The following PPP1R9A variants were observed in gnomAD, a reference collection of about 807,000 sequenced individuals.
PPP1R9A encodes the protein protein phosphatase 1 regulatory subunit 9A.
A neutral mutation model predicts 141.9 loss-of-function variants in PPP1R9A; 59 were observed. The ratio of observed to expected loss-of-function variants is 0.42; its 90% CI spans 0.34 to 0.52. PPP1R9A has a LOEUF of 0.52. Ranked by LOEUF, PPP1R9A falls within the 20% of genes least tolerant of loss-of-function variation. The pLI is 0.10. For synonymous variants in PPP1R9A, 500 were observed against 569.7 expected (o/e 0.88, Z 1.74); for missense variants, 1,444 against 1,611.9 (o/e 0.90, Z 1.78).
intron 4 of PPP1R9A, among the ~76,000 whole-genome samples, chr7:95,128,722 A>C (rs1448667700): frequency 1.3e-5 from 2 of 152,042 alleles, no homozygotes; most frequent in Non-Finnish European, 2.9e-5. Context: ...AATTACAGGC[A>C]CGTGCCACCA....
At chr7:95,154,045 CT>C (rs1829171637) in intron 4 of PPP1R9A, among the ~76,000 whole-genome samples, 1 of 151,712 alleles carries the variant, frequency 6.6e-6, no homozygotes, top group South Asian at 2.1e-4. Flanking sequence ...TTCTTGGTTG[CT>C]TTTTTAGTGT....
chr7:95,147,773 G>A (rs6465458), intron 4 of PPP1R9A, among the ~76,000 whole-genome samples: 89,226 of 152,004 alleles, frequency 0.59, 26,592 homozygotes, highest in African/African-American at 0.69. Context: ...TTTGTCATTC[G>A]TTCTACTTAT....
intron 4 of PPP1R9A, among the ~76,000 whole-genome samples, chr7:95,133,617 T>C (rs1214582834): frequency 1.3e-5 from 2 of 151,186 alleles, no homozygotes; most frequent in African/African-American, 4.9e-5. Flanking sequence ...TACATAAAAA[T>C]TATTGTTCAT....
chr7:95,006,372 C>T (rs1457917487), intron 2 of PPP1R9A, among the ~76,000 whole-genome samples: 1 of 151,940 alleles, frequency 6.6e-6, no homozygotes, highest in East Asian at 1.9e-4. Context: ...CATGCATCAC[C>T]AGACCCGGCT....
intron 2 of PPP1R9A, among the ~76,000 whole-genome samples, chr7:94,962,800 A>G (rs1007214221): frequency 1.3e-5 from 2 of 152,056 alleles, no homozygotes; most frequent in African/African-American, 2.4e-5. Context: ...TTGAGCATGA[A>G]AGGACTAAGT....
intron 12 of PPP1R9A, among the ~76,000 whole-genome samples, chr7:95,263,826 G>A (rs1015659644): frequency 6.6e-6 from 1 of 152,104 alleles, no homozygotes; most frequent in Non-Finnish European, 1.5e-5. Flanking sequence ...TCTGCAACTT[G>A]CTTTACCCAC....
At chr7:94,953,211 A>T (rs1796677587) in intron 2 of PPP1R9A, among the ~76,000 whole-genome samples, 2 of 152,012 alleles carry the variant, frequency 1.3e-5, no homozygotes, top group African/African-American at 4.8e-5. Flanking sequence ...TTATTAAATA[A>T]GGTATCCATT....
At chr7:94,984,032 T>TA (rs1800475185) in intron 2 of PPP1R9A, among the ~76,000 whole-genome samples, 1 of 152,222 alleles carries the variant, frequency 6.6e-6, no homozygotes, top group South Asian at 2.1e-4. Flanking sequence ...TGAGAGTTTT[T>TA]AGCATGAAGG....
At chr7:95,110,727 T>C (rs1237617523) in intron 2 of PPP1R9A, among the ~76,000 whole-genome samples, 1 of 152,202 alleles carries the variant, frequency 6.6e-6, no homozygotes. Context: ...GAATTCAATT[T>C]AAATGTATAT....
At chr7:95,203,577 T>A (rs1299357479) in intron 6 of PPP1R9A, 88 bp from the exon 7 acceptor site, 4 of 971,072 alleles carry the variant, frequency 4.1e-6, no homozygotes, top group Non-Finnish European at 4.6e-6. Flanking sequence ...CAGTAAGCAC[T>A]GGGACTCAGT....
Position 95,226,266 on chromosome 7 carries a change from A to G in PPP1R9A, c.2112+150A>G, listed in dbSNP as rs1334056075. ...TTGAGTCTCATTGAATTTCAAGTAG[A>G]ATTTAAGTAGATCTCGTTCCACGGT... On this transcript the variant is annotated intron_variant, in intron 8 of 19. Transcript: ENST00000433360. The G allele has an allele frequency of 4.8e-5, 38 of 786,008 alleles. No homozygotes were observed. The South Asian group carries it at 8.9e-4, about 18-fold the overall frequency. 48.7% of individuals were successfully genotyped at this position (786,008 alleles called of 1,614,324 possible).
chr7:94,948,646 C>G (rs527296440), intron 2 of PPP1R9A, among the ~76,000 whole-genome samples: 81 of 152,250 alleles, frequency 5.3e-4, no homozygotes, highest in Non-Finnish European at 1.0e-3. Context: ...CCCTCTCTTT[C>G]CAAGTTACAT....
rs1039479229 is a variant in PPP1R9A, at chr7:94,910,095, T to A, written c.-19T>A. On this transcript the variant is annotated 5_prime_UTR_variant, in exon 2 of 20. Coordinates refer to ENST00000433360, the MANE Select transcript of PPP1R9A (RefSeq NM_001166160.2). This position sits in a 1 kb window ranked among gnomAD's most constrained non-coding sequence, Gnocchi z 4.5. The stretch of plus-strand genomic sequence containing the variant: ...TCTTTGATCATTATGAACATTGGCT[T>A]TTCACCCCTGAAGTGAAAATGTTGA... 5.7e-6 allele frequency: 9 copies of A among 1,583,326 alleles called. No homozygotes were observed. The highest frequency in any genetic ancestry group is 7.7e-6 in the Non-Finnish European group (9 of 1,166,808).
At position 94,953,850 on chromosome 7, in the gene PPP1R9A, A is replaced by T. The variant is rs148170615; in HGVS notation, c.1395+42342A>T. ...GCTGAAGTTGCTTATCAACTTAAGG[A>T]GATTTTGGGCTGAGACGATGGGGTT... On this transcript the variant is annotated intron_variant, in intron 2 of 19. Coordinates refer to ENST00000433360, the MANE Select transcript of PPP1R9A (RefSeq NM_001166160.2). Among the ~76,000 whole-genome samples, 662 of 152,266 alleles carry T rather than the reference A, an allele frequency of 4.3e-3. 3 individuals carry two copies. The highest frequency in any genetic ancestry group is 7.2e-3 in the Non-Finnish European group (487 of 68,014).
At chr7:95,108,002 G>A (rs1819803255) in intron 2 of PPP1R9A, among the ~76,000 whole-genome samples, 3 of 152,026 alleles carry the variant, frequency 2.0e-5, no homozygotes, top group Admixed American at 2.0e-4. Context: ...ATTACTAAGT[G>A]TTTTATTGTT....
chr7:94,936,207 G>A (rs567333764), intron 2 of PPP1R9A, among the ~76,000 whole-genome samples: 24 of 152,084 alleles, frequency 1.6e-4, no homozygotes, highest in Middle Eastern at 3.2e-3. Flanking sequence ...GTAATTATTT[G>A]TTATGGGTGA....
intron 16 of PPP1R9A, among the ~76,000 whole-genome samples, chr7:95,283,037 A>AT (rs1252489964): frequency 1.3e-5 from 2 of 152,288 alleles, no homozygotes; most frequent in South Asian, 4.1e-4. Flanking sequence ...TTGAAAGGGA[A>AT]TCTCTGTGTT....
intron 7 of PPP1R9A, among the ~76,000 whole-genome samples, chr7:95,217,676 A>G (rs1488626872): frequency 1.3e-5 from 2 of 152,100 alleles, no homozygotes; most frequent in Non-Finnish European, 2.9e-5. Context: ...CAGAGATTCA[A>G]CTTCTTCCTG....
chr7:95,182,660 G>A (rs1360770566), intron 5 of PPP1R9A, among the ~76,000 whole-genome samples: 1 of 152,108 alleles, frequency 6.6e-6, no homozygotes, highest in African/African-American at 2.4e-5. Context: ...TCATATTCAT[G>A]GAAATCATCC....
Sources: gnomAD v4.1 joint callset for allele counts (sites outside exome capture counted in the v4.1 genomes callset) on GRCh38, gnomAD v4.1.1 for gene constraint, Gnocchi (gnomAD v3.1) non-coding constraint, MANE v1.5 for transcripts, NCBI Gene and HGNC (gene_info 2026-07-23, HGNC 2026-07-21) for gene names.